Variants in ANO5 observed in about 807,000 individuals in gnomAD.
The protein encoded by ANO5 is anoctamin 5, also known as anoctamin-5.
In ANO5, 109 loss-of-function variants were observed where a neutral mutation model predicts 121.0. The ratio of observed to expected loss-of-function variants is 0.90; its 90% confidence interval spans 0.77 to 1.06. The LOEUF (loss-of-function observed/expected upper bound fraction) is 1.06. Ranked by LOEUF, ANO5 falls within the 50% of genes least tolerant of loss-of-function variation. The pLI, the probability that ANO5 is intolerant of heterozygous loss-of-function variation, is 0.00. For synonymous variants in ANO5, 406 were observed against 359.9 expected, an observed-to-expected ratio of 1.13 and a Z score of -1.45; for missense variants, 1,064 against 1,078.5, an observed-to-expected ratio of 0.99 and a Z score of 0.19.
intron 21 of ANO5, among the ~76,000 whole-genome samples, chr11:22,277,558 AAT>A (rs1854911173): frequency 6.6e-6 from 1 of 151,568 alleles, no homozygotes; most frequent in African/African-American, 2.4e-5. Flanking sequence ...TGACTTTATA[AAT>A]ATTAGTCACA....
rs565683278 is a variant in ANO5, at chr11:22,279,915, T to C, written c.*150T>C. Reference sequence around the variant, plus strand: ...TAAACTCAAAGTTTTTATACACTTTTATAGAGGCCAACTTTGTGATGTTGG... The same window carrying C: ...TAAACTCAAAGTTTTTATACACTTTCATAGAGGCCAACTTTGTGATGTTGG... On this transcript the variant is annotated 3_prime_UTR_variant, in exon 22 of 22. Transcript: ENST00000324559. 2.9e-6 allele frequency: 2 copies of C among 679,498 alleles called. No individual in the cohort carries two copies. Among genetic ancestry groups the C allele is most frequent in the Admixed American group, 2.9e-5 (1 of 34,856 alleles). 42.1% of individuals were successfully genotyped at this position (679,498 alleles called of 1,614,324 possible). A position where few individuals can be genotyped will look rare whatever the true frequency, so the allele number is the denominator to read the frequency against.
intron 17 of ANO5, among the ~76,000 whole-genome samples, chr11:22,269,116 T>A (rs1181871394): frequency 6.1e-5 from 7 of 114,512 alleles, no homozygotes; most frequent in East Asian, 2.6e-4. Context: ...AAGGGAGGGA[T>A]TAAAGAAAGG....
intron 14 of ANO5, among the ~76,000 whole-genome samples, chr11:22,258,858 G>T (rs1280098054): frequency 2.0e-5 from 3 of 152,124 alleles, no homozygotes; most frequent in African/African-American, 7.2e-5. Context: ...AGAAGGCTGG[G>T]CGCAGTGGCT....
intron 13 of ANO5, among the ~76,000 whole-genome samples, chr11:22,257,451 G>T (rs1854039470): frequency 6.6e-6 from 1 of 152,046 alleles, no homozygotes; most frequent in African/African-American, 2.4e-5. Flanking sequence ...TTAGGAAATT[G>T]TGTGTATCCA....
At position 22,255,172 on chromosome 11, in the gene ANO5, G is replaced by T. The variant is rs1220293161; in HGVS notation, c.1181-199G>T. Among the ~76,000 whole-genome samples, 3 of 151,946 alleles carry T rather than the reference G, an allele frequency of 2.0e-5. No homozygotes were observed. The East Asian group carries it at 5.8e-4, about 29-fold the overall frequency. ...TGACCAAGAAACTAAATTTTTGTAT[G>T]ATTTTTTTTCAGTGTATTATTGGAT... On this transcript the variant is annotated intron_variant, in intron 12 of 21. Transcript: ENST00000324559.
chr11:22,251,675 A>C (rs1028230172), intron 12 of ANO5, among the ~76,000 whole-genome samples: 3 of 152,132 alleles, frequency 2.0e-5, no homozygotes, highest in African/African-American at 7.2e-5. Context: ...GGTGTAAATT[A>C]GACATTTTTC....
intron 3 of ANO5, among the ~76,000 whole-genome samples, chr11:22,212,018 G>A (rs560719227): frequency 2.1e-3 from 312 of 150,600 alleles, no homozygotes; most frequent in Middle Eastern, 0.014. Flanking sequence ...ACTACATAAA[G>A]CATTTTACAT....
chr11:22,227,277 C>G, intron 6 of ANO5, 25 bp from the exon 7 acceptor site: 1 of 1,603,648 alleles, frequency 6.2e-7, no homozygotes, highest in Non-Finnish European at 8.5e-7. Context: ...AAGCTTTCTG[C>G]TGTTTTGCCT....
At chr11:22,221,299 A>T in intron 5 of ANO5, 89 bp downstream of exon 5, 1 of 1,140,034 alleles carries the variant, frequency 8.8e-7, no homozygotes, top group Non-Finnish European at 1.3e-6. Flanking sequence ...ATGTTGTAAA[A>T]GTGAGAGGCC....
In ANO5 at chr11:22,262,344, G is replaced by C. The variant is rs757681196; in HGVS notation, c.1800+46G>C. 1.9e-6 allele frequency: 3 copies of C among 1,584,116 alleles called. No homozygotes were observed. The African/African-American group carries it at 4.0e-5, about 21-fold the overall frequency. On this transcript the variant is annotated intron_variant, in intron 16 of 21. Transcript: ENST00000324559. ...TGAGGTGTGTAGCTTCAATACCTCA[G>C]TATTAACAACTTTCTGTGTGTCAAG...
chr11:22,271,032 A>G (rs996090555), intron 18 of ANO5, among the ~76,000 whole-genome samples: 2 of 152,034 alleles, frequency 1.3e-5, no homozygotes, highest in Non-Finnish European at 2.9e-5. Context: ...CCCTCAAGCA[A>G]CTTTCTCTGT....
intron 15 of ANO5, chr11:22,261,084 A>G (rs2133743689): frequency 6.6e-6 from 1 of 152,316 alleles, no homozygotes; most frequent in South Asian, 2.1e-4. Context: ...TGATTGTAAA[A>G]CAGATGAGTT....
chr11:22,218,984 C>T (rs1852552424), intron 4 of ANO5, among the ~76,000 whole-genome samples: 2 of 152,022 alleles, frequency 1.3e-5, no homozygotes, highest in African/African-American at 4.8e-5. Flanking sequence ...AACAAATGCA[C>T]ACACATGCTA....
At chr11:22,265,670 T>C (rs1854333895) in intron 17 of ANO5, among the ~76,000 whole-genome samples, 1 of 152,146 alleles carries the variant, frequency 6.6e-6, no homozygotes, top group Non-Finnish European at 1.5e-5. Flanking sequence ...ATCCCCAAAT[T>C]GATATATAGA....
At position 22,235,997 on chromosome 11, in the gene ANO5, A is replaced by G. The variant is rs4534588; in HGVS notation, c.649-166A>G. On this transcript the variant is annotated intron_variant, in intron 7 of 21. Coordinates refer to ENST00000324559, the MANE Select transcript of ANO5 (RefSeq NM_213599.3). ...AGAAGCTAAAATATCTGCAAACTCC[A>G]TATAATCCCTCACTCTACATCTTCC... Among the ~76,000 whole-genome samples, 22,637 of 152,120 alleles carry G rather than the reference A, an allele frequency of 0.15. 4,904 individuals are homozygous for G. The highest frequency in any genetic ancestry group is 0.47 in the African/African-American group (19,624 of 41,436).
chr11:22,209,987 T>G (rs1179305975), intron 2 of ANO5, among the ~76,000 whole-genome samples: 1 of 151,978 alleles, frequency 6.6e-6, no homozygotes, highest in African/African-American at 2.4e-5. Flanking sequence ...CACAGCATAT[T>G]TTTAGAGGCT....
chr11:22,222,118 TG>T (rs1362432192), intron 5 of ANO5, among the ~76,000 whole-genome samples: 1 of 151,966 alleles, frequency 6.6e-6, no homozygotes, highest in East Asian at 1.9e-4. Context: ...TCCCTAGAGA[TG>T]GGGTAAATGC....
At position 22,247,856 on chromosome 11, in the gene ANO5, T is replaced by A. The variant is rs567724334; in HGVS notation, c.879-2381T>A. ...CTGGCACATCAGCTCTATCAGCTCA[T>A]TTTTTTTTCCTTCCAGCTTACACTT... On this transcript the variant is annotated intron_variant, in intron 9 of 21. Transcript: ENST00000324559. Among the ~76,000 whole-genome samples the A allele has an allele frequency of 4.0e-5, 6 of 151,282 alleles. 1 individual carries two copies. The South Asian group carries it at 1.0e-3, about 26-fold the overall frequency.
At chr11:22,195,485 G>A (rs562124100) in intron 1 of ANO5, among the ~76,000 whole-genome samples, 1 of 151,992 alleles carries the variant, frequency 6.6e-6, no homozygotes, top group East Asian at 1.9e-4. Context: ...CTGTAATGCA[G>A]GGGCATCATC....
Sources: allele counts gnomAD v4.1 joint callset (sites outside exome capture counted in the v4.1 genomes callset), GRCh38; gene constraint gnomAD v4.1.1; transcripts MANE v1.5; gene names NCBI Gene and HGNC (gene_info 2026-07-23, HGNC 2026-07-21).